Variants in CHCHD4 observed in about 807,000 individuals in gnomAD.
The protein encoded by CHCHD4 is coiled-coil-helix-coiled-coil-helix domain containing 4.
Under a neutral mutation model 12.4 loss-of-function variants are expected in CHCHD4, and 7 were observed. The observed-to-expected ratio is 0.57, with a 90% CI of 0.32 to 1.06. CHCHD4 has a LOEUF of 1.06. Ranked by LOEUF, CHCHD4 falls within the 50% of genes least tolerant of loss-of-function variation. The pLI, the probability that CHCHD4 is intolerant of heterozygous loss-of-function variation, is 0.04. For missense variants in CHCHD4, 143 were observed against 175.1 expected (o/e 0.82, Z 1.03); for synonymous variants, 56 against 58.0 (o/e 0.97, Z 0.16).
intron 1 of CHCHD4, 48 bp downstream of exon 1, chr3:14,124,607 C>A: frequency 2.0e-6 from 3 of 1,467,848 alleles, no homozygotes; most frequent in Non-Finnish European, 2.7e-6. Flanking sequence ...CCGCGTGTCT[C>A]CCGCAGGCCC....
chr3:14,121,150 A>G (rs1463139416), intron 1 of CHCHD4, among the ~76,000 whole-genome samples: 1 of 152,126 alleles, frequency 6.6e-6, no homozygotes, highest in Non-Finnish European at 1.5e-5. Context: ...GGCCCATTGT[A>G]TGAGGGTGAA....
intron 1 of CHCHD4, among the ~76,000 whole-genome samples, chr3:14,118,030 T>C (rs1239144557): frequency 6.6e-6 from 1 of 152,220 alleles, no homozygotes; most frequent in Non-Finnish European, 1.5e-5. Flanking sequence ...AGTGAAATGT[T>C]TGCCAAGTAA....
At chr3:14,114,485 C>T (rs1315138657) in intron 2 of CHCHD4, among the ~76,000 whole-genome samples, 1 of 152,108 alleles carries the variant, frequency 6.6e-6, no homozygotes, top group Admixed American at 6.5e-5. Context: ...AGAGTCCATG[C>T]CCCTTCCCCT....
At chr3:14,116,558 A>T (rs1694878758) in intron 1 of CHCHD4, 34 bp from the exon 2 acceptor site, 1 of 1,498,392 alleles carries the variant, frequency 6.7e-7, no homozygotes. Context: ...GAAATATTTC[A>T]TTCAAGAGCA....
In CHCHD4 at chr3:14,116,499, G is replaced by C. The variant is rs1004231909; in HGVS notation, c.48C>G (p.Thr16=). 2.5e-6 allele frequency: 4 copies of C among 1,612,558 alleles called. No individual in the cohort carries two copies. The highest frequency in any genetic ancestry group is 3.4e-6 in the Non-Finnish European group (4 of 1,178,642). Reference sequence around the variant, plus strand: ...TGCTTGGAGTTTCATGATCTTCTTTGGTTACAAATATGATTCGATCCTTCC... The same window carrying C: ...TGCTTGGAGTTTCATGATCTTCTTTCGTTACAAATATGATTCGATCCTTCC... ...QEGKDRIIFV[T]KEDHETPSSA... is the part of the protein sequence containing the mutation. The change falls in exon 2 of 3, where the codon ACC becomes ACG. Residue 16 remains threonine, a synonymous_variant. Transcript: ENST00000396914.
intron 1 of CHCHD4, among the ~76,000 whole-genome samples, chr3:14,123,342 C>T (rs1214240238): frequency 6.6e-6 from 1 of 152,072 alleles, no homozygotes; most frequent in Non-Finnish European, 1.5e-5. Flanking sequence ...GAGAAAGACT[C>T]GAAATTAAAA....
chr3:14,121,953 TCACAGATGAATACGA>T, intron 1 of CHCHD4: 6 of 1,614,026 alleles, frequency 3.7e-6, no homozygotes, highest in Non-Finnish European at 5.1e-6. Flanking sequence ...TACCTGGTGG[TCACAGATGAATACGA>T]CACAGGCATC....
In CHCHD4 at chr3:14,116,441, G is replaced by C. The variant is rs138081820; in HGVS notation, c.106C>G (p.Pro36Ala). 379 of 1,611,508 alleles carry C rather than the reference G, an allele frequency of 2.4e-4. No individual in the cohort carries two copies. The highest frequency in any genetic ancestry group is 3.0e-4 in the Non-Finnish European group (355 of 1,177,722). The stretch of plus-strand genomic sequence containing the variant: ...TGTCACTCACCATGCTCCTCGTATG[G>C]ATCGTTGGGGTCATCAGCCACCAAT... ...AELVADDPNDPYEEHGLILPN... is the reference protein window; with the variant it reads ...AELVADDPNDAYEEHGLILPN... Residue 36 changes from proline (P) to alanine (A), a missense_variant, in exon 2 of 3, where the codon CCA becomes GCA. Transcript: ENST00000396914.
intron 1 of CHCHD4, chr3:14,121,815 C>G: frequency 1.3e-6 from 2 of 1,590,762 alleles, no homozygotes; most frequent in Non-Finnish European, 1.7e-6. Context: ...TTGAAAGATA[C>G]AACTCCCCCA....
intron 1 of CHCHD4, among the ~76,000 whole-genome samples, chr3:14,123,885 G>A (rs879893182): frequency 7.9e-5 from 12 of 152,192 alleles, no homozygotes; most frequent in African/African-American, 2.4e-4. Context: ...CAAGGAAGCA[G>A]TAGGTGGTCG....
At chr3:14,124,238 T>C (rs1018152368) in intron 1 of CHCHD4, among the ~76,000 whole-genome samples, 1 of 152,152 alleles carries the variant, frequency 6.6e-6, no homozygotes, top group Non-Finnish European at 1.5e-5. Flanking sequence ...AGTGGCAACT[T>C]TTCGGGACGC....
Position 14,116,443 on chromosome 3 carries a change from T to C in CHCHD4, c.104A>G (p.Asp35Gly), listed in dbSNP as rs763302923. 3.7e-6 allele frequency: 6 copies of C among 1,605,022 alleles called. No individual in the cohort carries two copies. The East Asian group carries it at 1.3e-4, about 36-fold the overall frequency. ...TCACTCACCATGCTCCTCGTATGGA[T>C]CGTTGGGGTCATCAGCCACCAATTC... ...SAELVADDPN[D>G]PYEEHGLILP... Residue 35 changes from aspartate to glycine, a missense_variant, in exon 2 of 3, where the codon GAT (aspartate) becomes GGT (glycine). By Grantham distance (94) the Asp-to-Gly change is moderately conservative. Transcript: ENST00000396914.
At chr3:14,121,177 A>G (rs1343061161) in intron 1 of CHCHD4, among the ~76,000 whole-genome samples, 1 of 152,134 alleles carries the variant, frequency 6.6e-6, no homozygotes, top group Non-Finnish European at 1.5e-5. Context: ...CAGTCACCCA[A>G]GAGACTTTCC....
intron 2 of CHCHD4, among the ~76,000 whole-genome samples, chr3:14,115,947 A>G (rs1694872063): frequency 6.6e-6 from 1 of 152,122 alleles, no homozygotes; most frequent in Non-Finnish European, 1.5e-5. Flanking sequence ...GGAGTGAGCA[A>G]CAGCTCTGAC....
chr3:14,121,087 T>G lies in CHCHD4; in HGVS notation c.22+3568A>C, dbSNP rs766764190. Among the ~76,000 whole-genome samples the G allele has an allele frequency of 3.5e-4, 53 of 152,168 alleles. 1 individual carries two copies. Among genetic ancestry groups the G allele is most frequent in the Admixed American group, 7.9e-4 (12 of 15,278 alleles). On this transcript the variant is annotated intron_variant, in intron 1 of 2. Transcript: ENST00000396914. Reference sequence around the variant, plus strand: ...AAGACTGCTTTTAGCTTCCCTATCTTAGTACACCTGAAGGGAAAGGAATGT... The same window carrying G: ...AAGACTGCTTTTAGCTTCCCTATCTGAGTACACCTGAAGGGAAAGGAATGT...
intron 1 of CHCHD4, among the ~76,000 whole-genome samples, chr3:14,119,984 T>C (rs1407036758): frequency 6.6e-6 from 1 of 152,108 alleles, no homozygotes; most frequent in Non-Finnish European, 1.5e-5. Flanking sequence ...GGCTCAGAGA[T>C]GTCAATAATG....
At chr3:14,120,962 G>A (rs1270470876) in intron 1 of CHCHD4, among the ~76,000 whole-genome samples, 1 of 152,208 alleles carries the variant, frequency 6.6e-6, no homozygotes, top group Non-Finnish European at 1.5e-5. Flanking sequence ...GCTTATCAGT[G>A]GCTTGGACTG....
In CHCHD4 at chr3:14,120,594, T is replaced by C. The variant is rs564010132; in HGVS notation, c.22+4061A>G. Among the ~76,000 whole-genome samples, 28 of 152,324 alleles carry C rather than the reference T, an allele frequency of 1.8e-4. No homozygotes were observed. The South Asian group carries it at 5.2e-3, about 28-fold the overall frequency. On this transcript the variant is annotated intron_variant, in intron 1 of 2. Transcript: ENST00000396914. ...CGCTTTATCTTTCTCCAAAGTGCTTTTCGTCACCCAACATACTATGTATGT... is the reference window on the plus strand; with the variant it reads ...CGCTTTATCTTTCTCCAAAGTGCTTCTCGTCACCCAACATACTATGTATGT...
At chr3:14,118,650 A>G (rs1408940710) in intron 1 of CHCHD4, among the ~76,000 whole-genome samples, 1 of 152,198 alleles carries the variant, frequency 6.6e-6, no homozygotes, top group Non-Finnish European at 1.5e-5. Flanking sequence ...CTCTGCCTCA[A>G]TACCTTGCAT....
Sources: allele counts gnomAD v4.1 joint callset (sites outside exome capture counted in the v4.1 genomes callset), GRCh38; gene constraint gnomAD v4.1.1; transcripts MANE v1.5; gene names NCBI Gene and HGNC (gene_info 2026-07-23, HGNC 2026-07-21).